The following PRKDC variants were observed in gnomAD, a reference collection of about 807,000 sequenced individuals.
PRKDC encodes the protein protein kinase, DNA-activated, catalytic subunit.
Under a neutral mutation model 486.9 loss-of-function variants are expected in PRKDC, and 82 were observed. The ratio of observed to expected loss-of-function variants is 0.17; its 90% CI spans 0.14 to 0.20. The LOEUF (loss-of-function observed/expected upper bound fraction) is 0.20. Ranked by LOEUF, PRKDC falls within the 10% of genes least tolerant of loss-of-function variation. The pLI is 1.00. For synonymous variants in PRKDC, 1,895 were observed against 1,837.0 expected, an observed-to-expected ratio of 1.03 and a Z score of -0.81; for missense variants, 4,504 against 5,038.2, an observed-to-expected ratio of 0.89 and a Z score of 3.21.
intron 35 of PRKDC, among the ~76,000 whole-genome samples, chr8:47,887,151 C>A (rs75546734): frequency 0.015 from 2,224 of 152,226 alleles, 24 homozygotes; most frequent in Non-Finnish European, 0.021. Flanking sequence ...GTTCAAAGAG[C>A]CATGAGAATA....
At chr8:47,820,347 T>A (rs2087559404) in intron 66 of PRKDC, among the ~76,000 whole-genome samples, 1 of 151,966 alleles carries the variant, frequency 6.6e-6, no homozygotes, top group African/African-American at 2.4e-5. Flanking sequence ...TGCACTCCAC[T>A]GTCTAGGCGA....
chr8:47,799,439 A>C, intron 71 of PRKDC, 49 bp from the exon 72 acceptor site: 3 of 1,426,580 alleles, frequency 2.1e-6, no homozygotes, highest in Non-Finnish European at 2.8e-6. Flanking sequence ...AAGCTTTCTC[A>C]AAGAACTCTG....
Position 47,782,351 on chromosome 8 carries a change from A to C in PRKDC, c.11396+27T>G. 1.9e-6 allele frequency: 3 copies of C among 1,608,580 alleles called. No homozygotes were observed. The highest frequency in any genetic ancestry group is 2.5e-6 in the Non-Finnish European group (3 of 1,176,996). On this transcript the variant is annotated intron_variant, in intron 79 of 85. Coordinates refer to ENST00000314191, the MANE Select transcript of PRKDC (RefSeq NM_006904.7). This position sits in a 1 kb window ranked among gnomAD's most constrained non-coding sequence, Gnocchi z 4.9. ...GACGCCAAGCAATATGCAGCAGCCT[A>C]CTGGCTGGGAGCAGCCTGGCAGTTA...
chr8:47,800,771 T>TAA (rs1325569381), intron 71 of PRKDC, 22 bp downstream of exon 71: 2 of 1,585,444 alleles, frequency 1.3e-6, no homozygotes, highest in Non-Finnish European at 1.7e-6. Context: ...CACACTAGCG[T>TAA]AAAACATTCC....
chr8:47,815,268 A>G (rs1442692448), intron 68 of PRKDC, among the ~76,000 whole-genome samples: 1 of 152,264 alleles, frequency 6.6e-6, no homozygotes, highest in Non-Finnish European at 1.5e-5. Flanking sequence ...TAGAGCATCC[A>G]GAAATAGACC....
At chr8:47,864,913 C>A in intron 40 of PRKDC, 150 bp from the exon 41 acceptor site, 1 of 629,420 alleles carries the variant, frequency 1.6e-6, no homozygotes, top group Non-Finnish European at 2.5e-6. Flanking sequence ...CCACAAAACA[C>A]AAAAAGCATT....
chr8:47,894,040 G>C (rs139416994), intron 30 of PRKDC, among the ~76,000 whole-genome samples: 41 of 152,200 alleles, frequency 2.7e-4, no homozygotes, highest in Middle Eastern at 3.4e-3. Context: ...CAGCACTTTG[G>C]GGGGCTGAGA....
intron 57 of PRKDC, among the ~76,000 whole-genome samples, chr8:47,836,911 T>A (rs2088037016): frequency 6.6e-6 from 1 of 152,208 alleles, no homozygotes; most frequent in Admixed American, 6.5e-5. Context: ...CCCTGCAACC[T>A]GCCCATCATC....
intron 80 of PRKDC, among the ~76,000 whole-genome samples, chr8:47,779,900 G>A (rs1452305425): frequency 7.8e-6 from 1 of 128,948 alleles, no homozygotes; most frequent in African/African-American, 3.0e-5. Flanking sequence ...TTTTTCTTTT[G>A]TTTTGTTTTG....
At chr8:47,848,513 G>A (rs1266105181) in intron 54 of PRKDC, among the ~76,000 whole-genome samples, 2 of 152,066 alleles carry the variant, frequency 1.3e-5, no homozygotes, top group African/African-American at 4.8e-5. Flanking sequence ...GGCAAGAGTT[G>A]AAAAACTAAC....
chr8:47,924,336 A>G (rs2090121542), intron 21 of PRKDC, among the ~76,000 whole-genome samples: 1 of 152,142 alleles, frequency 6.6e-6, no homozygotes, highest in Non-Finnish European at 1.5e-5. Flanking sequence ...AGGTGGGCAG[A>G]TGACTTGAGG....
intron 17 of PRKDC, among the ~76,000 whole-genome samples, 187 bp downstream of exon 17, chr8:47,930,485 G>A (rs1356929468): frequency 6.6e-6 from 1 of 152,110 alleles, no homozygotes; most frequent in Non-Finnish European, 1.5e-5. Flanking sequence ...TGTTAGCCAG[G>A]ATAGTCTTGA....
At chr8:47,848,044 G>A (rs896894157) in intron 54 of PRKDC, among the ~76,000 whole-genome samples, 20 of 152,326 alleles carry the variant, frequency 1.3e-4, no homozygotes, top group Non-Finnish European at 2.6e-4. Flanking sequence ...TGGTGGGAAT[G>A]TAAATTAGTT....
chr8:47,948,499 G>A (rs1161851375), intron 7 of PRKDC, among the ~76,000 whole-genome samples: 8 of 124,978 alleles, frequency 6.4e-5, no homozygotes, highest in African/African-American at 2.2e-4. Context: ...TGTTCTTGTC[G>A]CCCAGGCTGG....
At position 47,834,380 on chromosome 8, in the gene PRKDC, A is replaced by C; in HGVS notation, c.7968T>G (p.Phe2656Leu). 6.2e-7 allele frequency: 1 copy of C among 1,613,566 alleles called. No homozygotes were observed. The highest frequency in any genetic ancestry group is 1.7e-5 in the Admixed American group (1 of 60,032). The change falls in exon 59 of 86, where the codon TTT becomes TTG. Residue 2656 changes from phenylalanine (F) to leucine (L), a missense_variant. Transcript: ENST00000314191. ...CAGTGCTGCTCCCGGTCAGCCAATC[A>C]AATGAGCTTCTTCCATCTGTGACAT... ...LTQTADGRSS[F>L]DWLTGSSTDP...
In PRKDC at chr8:47,808,321, C is replaced by T. The variant is rs184066429; in HGVS notation, c.9558-995G>A. On this transcript the variant is annotated intron_variant, in intron 68 of 85. Coordinates refer to ENST00000314191, the MANE Select transcript of PRKDC (RefSeq NM_006904.7). ...CTACCGCATCAAGCTAAGTTTTACA[C>T]TTTTTTGTAGAAACGGAGGCTTGCT... Among the ~76,000 whole-genome samples, 229 of 151,790 alleles carry T rather than the reference C, an allele frequency of 1.5e-3. 2 individuals are homozygous for T. The highest frequency in any genetic ancestry group is 2.9e-4 in the Non-Finnish European group (20 of 67,924).
intron 40 of PRKDC, among the ~76,000 whole-genome samples, chr8:47,876,428 G>A (rs1483978086): frequency 6.6e-5 from 10 of 152,072 alleles, no homozygotes; most frequent in East Asian, 1.9e-4. Flanking sequence ...TAGGGAGGCC[G>A]AGGCAAGCAG....
chr8:47,798,406 G>A lies in PRKDC; in HGVS notation c.10298-9C>T, dbSNP rs1212793119. On this transcript the variant is annotated splice_polypyrimidine_tract_variant and intron_variant, in intron 72 of 85. Coordinates refer to ENST00000314191, the MANE Select transcript of PRKDC (RefSeq NM_006904.7). ...TTCTGCAGAATCAATAACTATCAAGGACACCAAAGAAGAAAGCAATGGTCA... is the reference window on the plus strand; with the variant it reads ...TTCTGCAGAATCAATAACTATCAAGAACACCAAAGAAGAAAGCAATGGTCA... The A allele has an allele frequency of 5.1e-6, 8 of 1,571,470 alleles. No individual in the cohort carries two copies. In the East Asian group the frequency reaches 1.8e-4, roughly 35 times the overall value.
Position 47,940,054 on chromosome 8 carries a change from G to GAGCT in PRKDC, c.967-361_967-358dup, listed in dbSNP as rs8178015. The GAGCT allele has an allele frequency of 2.1e-3, 331 of 159,408 alleles. 3 individuals are homozygous for GAGCT. Among genetic ancestry groups the GAGCT allele is most frequent in the Admixed American group, 4.5e-3 (70 of 15,646 alleles). 9.9% of individuals were successfully genotyped at this position (159,408 alleles called of 1,614,324 possible). A position where few individuals can be genotyped will look rare whatever the true frequency, so the allele number is the denominator to read the frequency against. On this transcript the variant is annotated intron_variant, in intron 10 of 85. Coordinates refer to ENST00000314191, the MANE Select transcript of PRKDC (RefSeq NM_006904.7). The stretch of plus-strand genomic sequence containing the variant: ...CACCTGTCACCCACAGGGTGAAAGA[G>GAGCT]AGCTGTCAGGGGACCAGTGACTTCA...
Sources: gnomAD v4.1 joint callset for allele counts (sites outside exome capture counted in the v4.1 genomes callset) on GRCh38, gnomAD v4.1.1 for gene constraint, Gnocchi (gnomAD v3.1) non-coding constraint, MANE v1.5 for transcripts, NCBI Gene and HGNC (gene_info 2026-07-23, HGNC 2026-07-21) for gene names.